COL27A1: variants seen among roughly 807,000 people sequenced by gnomAD.
COL27A1 encodes the protein collagen alpha-1(XXVII) chain.
A neutral mutation model predicts 251.3 loss-of-function variants in COL27A1; 106 were observed. That is an observed-to-expected ratio of 0.42 (90% confidence interval 0.36 to 0.50). The LOEUF is 0.50. COL27A1 is among the 20% of genes least tolerant of loss of function. The probability of loss-of-function intolerance (pLI) is 0.00; values close to 1 mark genes in which losing one functional copy is unlikely to be tolerated. For synonymous variants in COL27A1, 1,000 were observed against 986.3 expected, an observed-to-expected ratio of 1.01 and a Z score of -0.26; for missense variants, 2,325 against 2,522.8, an observed-to-expected ratio of 0.92 and a Z score of 1.68.
intron 41 of COL27A1, among the ~76,000 whole-genome samples, chr9:114,285,011 G>A (rs1827364448): frequency 2.6e-5 from 4 of 152,360 alleles, no homozygotes; most frequent in South Asian, 2.1e-4. Context: ...GCGCTGGAAC[G>A]AAAACATGCA....
chr9:114,247,218 C>G (rs1027578755), intron 24 of COL27A1, among the ~76,000 whole-genome samples: 1 of 152,090 alleles, frequency 6.6e-6, no homozygotes, highest in Non-Finnish European at 1.5e-5. Flanking sequence ...GCAGGTGTAA[C>G]AGCGGCCTCA....
At chr9:114,285,637 C>A (rs1564570684) in intron 41 of COL27A1, among the ~76,000 whole-genome samples, 1 of 152,310 alleles carries the variant, frequency 6.6e-6, no homozygotes, top group East Asian at 1.9e-4. Flanking sequence ...CCAGCCGACC[C>A]CTTCCTCCTG....
At position 114,167,851 on chromosome 9, in the gene COL27A1, C is replaced by T. The variant is rs150759476; in HGVS notation, c.296C>T (p.Ala99Val). The T allele has an allele frequency of 3.2e-5, 52 of 1,613,490 alleles. No individual in the cohort carries two copies. Among genetic ancestry groups the T allele is most frequent in the South Asian group, 1.1e-5 (1 of 91,082 alleles). Residue 99 changes from alanine (A) to valine (V), a missense_variant, in exon 3 of 61, where the codon GCA becomes GTA. Coordinates refer to ENST00000356083, the MANE Select transcript of COL27A1 (RefSeq NM_032888.4). The part of the protein sequence containing the change: ...VIPAALGTEL[A>V]LVLSLCSHRV... ...CCTGCCGCCTTGGGCACAGAGCTGG[C>T]ACTGGTGCTGAGCCTCTGCTCCCAC... is the stretch of plus-strand genomic sequence containing the variant.
chr9:114,287,981 G>A (rs1448240444), intron 41 of COL27A1, among the ~76,000 whole-genome samples: 1 of 152,194 alleles, frequency 6.6e-6, no homozygotes, highest in Non-Finnish European at 1.5e-5. Flanking sequence ...CGTGCCAGCT[G>A]CTGGAGTTGG....
chr9:114,173,017 G>A (rs757101097), intron 3 of COL27A1, among the ~76,000 whole-genome samples: 6 of 152,228 alleles, frequency 3.9e-5, no homozygotes, highest in South Asian at 2.1e-4. Context: ...TTCAGGGCAC[G>A]AGAGCAACTG....
chr9:114,292,189 G>A lies in COL27A1; in HGVS notation c.4563G>A (p.Glu1521=), dbSNP rs759440153. 4.5e-6 allele frequency: 7 copies of A among 1,556,084 alleles called. No homozygotes were observed. The South Asian group carries it at 7.1e-5, about 16-fold the overall frequency. Residue 1521 remains glutamate (E), a synonymous_variant, in exon 49 of 61, where the codon GAG becomes GAA. Coordinates refer to ENST00000356083, the MANE Select transcript of COL27A1 (RefSeq NM_032888.4). The part of the protein sequence containing the change: ...GRTGLPGNQG[E]PGSKGQPGDS... ...CGGGGCTCCCTGGAAACCAGGGGGA[G>A]CCTGGGTCCAAAGGCCAGCCGGTGA...
chr9:114,228,296 G>A (rs1472733791), intron 14 of COL27A1, among the ~76,000 whole-genome samples: 2 of 152,222 alleles, frequency 1.3e-5, no homozygotes, highest in African/African-American at 2.4e-5. Flanking sequence ...AGCTGCTGGC[G>A]GCCCCTCTGC....
chr9:114,263,317 C>T (rs1834486807), intron 28 of COL27A1, among the ~76,000 whole-genome samples: 1 of 152,178 alleles, frequency 6.6e-6, no homozygotes. Flanking sequence ...CCATCCTCTC[C>T]CACCTAGACA....
At chr9:114,163,702 C>T (rs990781376) in intron 2 of COL27A1, among the ~76,000 whole-genome samples, 3 of 152,198 alleles carry the variant, frequency 2.0e-5, no homozygotes, top group African/African-American at 4.8e-5. Context: ...CCTGGCCACT[C>T]GGCAGGGATT....
intron 18 of COL27A1, 140 bp from the exon 19 acceptor site, chr9:114,237,522 G>A: frequency 1.4e-6 from 1 of 714,014 alleles, no homozygotes; most frequent in East Asian, 2.6e-5. Flanking sequence ...TTGAATGGTA[G>A]CTCCTTCTAG....
At chr9:114,240,892 T>C (rs1440237323) in intron 21 of COL27A1, among the ~76,000 whole-genome samples, 1 of 152,196 alleles carries the variant, frequency 6.6e-6, no homozygotes, top group Non-Finnish European at 1.5e-5. Context: ...TCAGGTCTTA[T>C]GGTTAGTAGC....
intron 4 of COL27A1, among the ~76,000 whole-genome samples, chr9:114,179,299 C>T (rs765745038): frequency 3.3e-5 from 5 of 152,186 alleles, no homozygotes; most frequent in Admixed American, 2.6e-4. Context: ...TCTGAAGCGG[C>T]ATTTCCTCCT....
intron 41 of COL27A1, among the ~76,000 whole-genome samples, chr9:114,285,842 A>G (rs1827440577): frequency 6.6e-6 from 1 of 152,208 alleles, no homozygotes; most frequent in Admixed American, 6.5e-5. Context: ...GCGCCGGAGC[A>G]TCTGCAGCTC....
intron 3 of COL27A1, among the ~76,000 whole-genome samples, chr9:114,178,002 G>A (rs1205258763): frequency 6.6e-6 from 1 of 152,198 alleles, no homozygotes; most frequent in African/African-American, 2.4e-5. Context: ...TTAAAATAGA[G>A]GAAAAGAAGG....
chr9:114,262,850 G>T (rs2135581653), intron 28 of COL27A1, among the ~76,000 whole-genome samples: 1 of 152,192 alleles, frequency 6.6e-6, no homozygotes, highest in Admixed American at 6.5e-5. Flanking sequence ...GCTGCGGTGT[G>T]GGATTGAAGC....
intron 11 of COL27A1, among the ~76,000 whole-genome samples, chr9:114,210,252 T>A (rs1830255624): frequency 6.6e-6 from 1 of 152,238 alleles, no homozygotes; most frequent in Non-Finnish European, 1.5e-5. Flanking sequence ...TGCCGCTTTC[T>A]CACTACAATG....
chr9:114,231,482 G>A (rs964713581), intron 15 of COL27A1, among the ~76,000 whole-genome samples: 23 of 152,280 alleles, frequency 1.5e-4, no homozygotes, highest in South Asian at 6.2e-4. Flanking sequence ...TGGGAAGGGC[G>A]TGCAGCAGGA....
chr9:114,295,917 G>T (rs892105653), intron 49 of COL27A1, among the ~76,000 whole-genome samples: 3 of 152,166 alleles, frequency 2.0e-5, no homozygotes, highest in African/African-American at 7.2e-5. Flanking sequence ...AAAGTGCTGG[G>T]ATTACAGGCA....
At chr9:114,281,508 A>G (rs1835902816) in intron 37 of COL27A1, among the ~76,000 whole-genome samples, 1 of 152,244 alleles carries the variant, frequency 6.6e-6, no homozygotes, top group African/African-American at 2.4e-5. Flanking sequence ...GGGGACTCCA[A>G]GGAAAGTGGG....
Sources: gnomAD v4.1 joint callset for allele counts (sites outside exome capture counted in the v4.1 genomes callset) on GRCh38, gnomAD v4.1.1 for gene constraint, MANE v1.5 for transcripts, NCBI Gene and HGNC (gene_info 2026-07-23, HGNC 2026-07-21) for gene names.